The following GALNT10 variants were observed in gnomAD, a reference collection of about 807,000 sequenced individuals.
The protein encoded by GALNT10 is polypeptide N-acetylgalactosaminyltransferase 10.
A neutral mutation model predicts 75.0 loss-of-function variants in GALNT10; 41 were observed. The ratio of observed to expected loss-of-function variants is 0.55; its 90% CI spans 0.43 to 0.71. The LOEUF (loss-of-function observed/expected upper bound fraction) is 0.71, where lower values mean the gene tolerates loss of function less well. Among genes scored for constraint, GALNT10 ranks in the 30% least tolerant of loss-of-function variants. The probability of loss-of-function intolerance (pLI) is 0.00; values close to 1 mark genes in which losing one functional copy is unlikely to be tolerated. For synonymous variants in GALNT10, 302 were observed against 313.0 expected, an observed-to-expected ratio of 0.96 and a Z score of 0.37; for missense variants, 727 against 818.5, an observed-to-expected ratio of 0.89 and a Z score of 1.36.
At position 154,409,730 on chromosome 5, in the gene GALNT10, C is replaced by T. The variant is rs768855508; in HGVS notation, c.1354C>T (p.Pro452Ser). ...IAWDLPKFYP[P>S]VEPPAAAWGE... is the part of the protein sequence containing the mutation. ...CTGGGACCTGCCCAAATTCTACCCA[C>T]CCGTGGAGCCCCCGGCTGCAGCTTG... Residue 452 changes from proline to serine, a missense_variant, in exon 9 of 12, where the codon CCC (proline) becomes TCC (serine). By Grantham distance (74) the Pro-to-Ser change is moderately conservative. Coordinates refer to ENST00000297107, the MANE Select transcript of GALNT10 (RefSeq NM_198321.4). The surrounding 1 kb of genome is among the most constrained non-coding windows in gnomAD (Gnocchi z 4.5). 6.2e-7 allele frequency: 1 copy of T among 1,613,982 alleles called. No homozygotes were observed. The highest frequency in any genetic ancestry group is 1.7e-5 in the Admixed American group (1 of 60,028).
intron 3 of GALNT10, among the ~76,000 whole-genome samples, chr5:154,316,060 A>C (rs975505245): frequency 6.6e-6 from 1 of 152,180 alleles, no homozygotes; most frequent in Non-Finnish European, 1.5e-5. Context: ...GGACATCATC[A>C]AGCATATTTA....
chr5:154,412,714 T>C lies in GALNT10; in HGVS notation c.1387-175T>C, dbSNP rs1349654618. Reference sequence around the variant, plus strand: ...AGGATTACATTCTGTGGACTGAGTCTTCCTTCATTGAGAGGCTCAAGGTAC... The same window carrying C: ...AGGATTACATTCTGTGGACTGAGTCCTCCTTCATTGAGAGGCTCAAGGTAC... On this transcript the variant is annotated intron_variant, in intron 9 of 11. Coordinates refer to ENST00000297107, the MANE Select transcript of GALNT10 (RefSeq NM_198321.4). The surrounding 1 kb of genome is among the most constrained non-coding windows in gnomAD (Gnocchi z 4.2). The C allele has an allele frequency of 6.3e-6, 4 of 637,004 alleles. No individual in the cohort carries two copies. The highest frequency in any genetic ancestry group is 1.1e-5 in the Non-Finnish European group (4 of 351,648). 39.5% of individuals were successfully genotyped at this position (637,004 alleles called of 1,614,324 possible).
intron 4 of GALNT10, among the ~76,000 whole-genome samples, chr5:154,359,441 G>A (rs1056671744): frequency 3.3e-5 from 5 of 151,940 alleles, no homozygotes; most frequent in African/African-American, 1.2e-4. Flanking sequence ...CTGGAGGCCT[G>A]GGGAGGAGAG....
In GALNT10 at chr5:154,280,521, C is replaced by A. The variant is rs546525029; in HGVS notation, c.160-14295C>A. 3.9e-5 allele frequency among the ~76,000 whole-genome samples: 6 copies of A among 152,140 alleles called. No individual in the cohort carries two copies. In the Middle Eastern group the frequency reaches 0.014, roughly 345 times the overall value. The stretch of plus-strand genomic sequence containing the variant: ...AGGTATCAAAATATCATTTTGTACC[C>A]TATAAGTATGTACAATTATTATGTG... On this transcript the variant is annotated intron_variant, in intron 1 of 11. Transcript: ENST00000297107.
chr5:154,279,295 TG>T lies in GALNT10; in HGVS notation c.160-15520del, dbSNP rs1273092416. On this transcript the variant is annotated intron_variant, in intron 1 of 11. Coordinates refer to ENST00000297107, the MANE Select transcript of GALNT10 (RefSeq NM_198321.4). ...TAGTTTTTGTTGTTGTTGTTGTTGTTGTTGTTTTGTTTTTTTTTTTTTTTTG... is the reference window on the plus strand; with the variant it reads ...TAGTTTTTGTTGTTGTTGTTGTTGTTTTGTTTTGTTTTTTTTTTTTTTTTG... 1.4e-3 allele frequency among the ~76,000 whole-genome samples: 201 copies of T among 140,958 alleles called. 1 individual carries two copies. The highest frequency in any genetic ancestry group is 1.4e-3 in the East Asian group (7 of 5,136). The allele number at this position is 140,958 out of a possible 152,430, so 92.5% of individuals were successfully genotyped here.
At chr5:154,353,312 T>C (rs1396339209) in intron 4 of GALNT10, among the ~76,000 whole-genome samples, 1 of 152,142 alleles carries the variant, frequency 6.6e-6, no homozygotes, top group Non-Finnish European at 1.5e-5. Flanking sequence ...AACGACCTTC[T>C]AAATATCATC....
At chr5:154,192,450 C>T (rs1466106010) in intron 1 of GALNT10, among the ~76,000 whole-genome samples, 4 of 152,258 alleles carry the variant, frequency 2.6e-5, no homozygotes, top group African/African-American at 9.6e-5. Context: ...CATGAAATCT[C>T]TTTCCTCTGT....
intron 4 of GALNT10, among the ~76,000 whole-genome samples, chr5:154,353,547 A>G (rs1755243126): frequency 6.6e-6 from 1 of 152,136 alleles, no homozygotes; most frequent in Admixed American, 6.5e-5. Flanking sequence ...TAGACCACTG[A>G]GCTGGGCTGT....
chr5:154,382,081 T>C (rs1196521446), intron 6 of GALNT10, among the ~76,000 whole-genome samples: 1 of 152,238 alleles, frequency 6.6e-6, no homozygotes, highest in Non-Finnish European at 1.5e-5. Context: ...CACATTTCTC[T>C]ATGCCTTACT....
At chr5:154,395,358 T>C (rs572253790) in intron 7 of GALNT10, among the ~76,000 whole-genome samples, 12 of 152,352 alleles carry the variant, frequency 7.9e-5, no homozygotes, top group African/African-American at 2.6e-4. Context: ...CTAGCTGCTG[T>C]GTGACTTTGG....
intron 3 of GALNT10, among the ~76,000 whole-genome samples, chr5:154,313,798 A>G (rs1415703982): frequency 6.6e-6 from 1 of 152,148 alleles, no homozygotes; most frequent in African/African-American, 2.4e-5. Context: ...GCTTACAATC[A>G]GTATGTGTCA....
chr5:154,379,890 A>G (rs1189748261), intron 5 of GALNT10, among the ~76,000 whole-genome samples: 1 of 152,164 alleles, frequency 6.6e-6, no homozygotes, highest in African/African-American at 2.4e-5. Context: ...AGTTGAGCTG[A>G]ATTCTTGCAA....
intron 4 of GALNT10, among the ~76,000 whole-genome samples, chr5:154,360,450 TAAA>T (rs11308900): frequency 1.0e-4 from 14 of 133,708 alleles, no homozygotes; most frequent in Admixed American, 1.5e-4. Flanking sequence ...AAACTCCATC[TAAA>T]AAAAAAAAAA....
rs773937139 is a variant in GALNT10, at chr5:154,386,371, G to A, written c.997G>A (p.Gly333Ser). ...AVDRKWFWEL[G>S]GYDPGLEIWG... Reference sequence around the variant, plus strand: ...GGATCGGAAGTGGTTCTGGGAACTCGGCGGGTATGACCCAGGCTTGGAGAT... The same window carrying A: ...GGATCGGAAGTGGTTCTGGGAACTCAGCGGGTATGACCCAGGCTTGGAGAT... Residue 333 changes from glycine (G) to serine (S), a missense_variant, in exon 7 of 12, where the codon GGC (glycine) becomes AGC (serine). Coordinates refer to ENST00000297107, the MANE Select transcript of GALNT10 (RefSeq NM_198321.4). The A allele has an allele frequency of 2.6e-5, 42 of 1,613,958 alleles. No homozygotes were observed. Among genetic ancestry groups the A allele is most frequent in the Non-Finnish European group, 3.3e-5 (39 of 1,179,986 alleles).
At chr5:154,413,967 A>AT (rs1321264195) in intron 10 of GALNT10, among the ~76,000 whole-genome samples, 1 of 152,168 alleles carries the variant, frequency 6.6e-6, no homozygotes, top group African/African-American at 2.4e-5. Flanking sequence ...AAAGTCAATA[A>AT]TTTTTTTAAT....
At chr5:154,290,891 C>T (rs2113068882) in intron 1 of GALNT10, among the ~76,000 whole-genome samples, 1 of 152,144 alleles carries the variant, frequency 6.6e-6, no homozygotes, top group East Asian at 1.9e-4. Context: ...CTCTGAGCAG[C>T]TATTTAGCTC....
At chr5:154,345,429 C>G (rs1015612644) in intron 4 of GALNT10, among the ~76,000 whole-genome samples, 3 of 151,932 alleles carry the variant, frequency 2.0e-5, no homozygotes, top group Non-Finnish European at 4.4e-5. Flanking sequence ...AAGTTTGTAC[C>G]CTTTGACCCA....
At chr5:154,228,580 C>T (rs1244748354) in intron 1 of GALNT10, among the ~76,000 whole-genome samples, 1 of 152,210 alleles carries the variant, frequency 6.6e-6, no homozygotes, top group Non-Finnish European at 1.5e-5. Context: ...AAAACCTGTA[C>T]GAGAGCTGGC....
chr5:154,317,378 T>C (rs6580070), intron 3 of GALNT10, among the ~76,000 whole-genome samples: 109,348 of 152,082 alleles, frequency 0.72, 39,900 homozygotes, highest in Admixed American at 0.83. Flanking sequence ...GCTCCAGCAT[T>C]AAGCCCTGAT....
Sources: allele counts gnomAD v4.1 joint callset (sites outside exome capture counted in the v4.1 genomes callset), GRCh38; gene constraint gnomAD v4.1.1; non-coding constraint Gnocchi (gnomAD v3.1); transcripts MANE v1.5; gene names NCBI Gene and HGNC (gene_info 2026-07-23, HGNC 2026-07-21).